Variants in RAPGEF2 observed in about 807,000 individuals in gnomAD.
The protein encoded by RAPGEF2 is Rap guanine nucleotide exchange factor 2, also known as PDZ domain containing guanine nucleotide exchange factor (GEF) 1.
A neutral mutation model predicts 186.7 loss-of-function variants in RAPGEF2; 54 were observed. The ratio of observed to expected loss-of-function variants is 0.29; its 90% CI spans 0.23 to 0.36. The LOEUF is 0.36. Among genes scored for constraint, RAPGEF2 ranks in the 10% least tolerant of loss-of-function variants. The probability of loss-of-function intolerance (pLI) is 1.00; values close to 1 mark genes in which losing one functional copy is unlikely to be tolerated. For synonymous variants in RAPGEF2, 712 were observed against 705.9 expected, an observed-to-expected ratio of 1.01 and a Z score of -0.14; for missense variants, 1,532 against 2,045.0, an observed-to-expected ratio of 0.75 and a Z score of 4.84.
At chr4:159,180,473 C>A (rs565302023) in intron 1 of RAPGEF2, among the ~76,000 whole-genome samples, 3 of 152,158 alleles carry the variant, frequency 2.0e-5, no homozygotes, top group African/African-American at 7.2e-5. Context: ...TCTGTAAAGC[C>A]ACCTAACTGC....
chr4:159,212,561 A>T (rs144055649), intron 4 of RAPGEF2, among the ~76,000 whole-genome samples: 114 of 152,306 alleles, frequency 7.5e-4, no homozygotes, highest in African/African-American at 2.6e-3. Flanking sequence ...GTTAAAGAAT[A>T]TATGTGTTGC....
At chr4:159,219,347 C>CTTTTTTTTTTTTTTTTT (rs70962664) in intron 4 of RAPGEF2, among the ~76,000 whole-genome samples, 1 of 81,446 alleles carries the variant, frequency 1.2e-5, no homozygotes, top group African/African-American at 5.6e-5. Context: ...CAACTGTATC[C>CTTTTTTTTTTTTTTTTT]TTTTTTTTTT....
chr4:159,247,755 C>CTTTTTTTTT (rs56053207), intron 7 of RAPGEF2, among the ~76,000 whole-genome samples: 1 of 83,474 alleles, frequency 1.2e-5, no homozygotes, highest in African/African-American at 4.7e-5. Context: ...TAATTTGTTT[C>CTTTTTTTTT]TTTTTTTTTT....
intron 3 of RAPGEF2, among the ~76,000 whole-genome samples, chr4:159,200,056 C>CTA (rs1413919748): frequency 3.3e-5 from 5 of 152,010 alleles, no homozygotes; most frequent in Non-Finnish European, 5.9e-5. Flanking sequence ...ATCTCTCTCT[C>CTA]TCTCTATATA....
chr4:159,252,723 C>T (rs1039569298), intron 7 of RAPGEF2, among the ~76,000 whole-genome samples: 2 of 152,208 alleles, frequency 1.3e-5, no homozygotes, highest in African/African-American at 4.8e-5. Flanking sequence ...TTGATAACTG[C>T]ATTCTTTCAC....
At chr4:159,356,322 G>A (rs1732002747) in intron 29 of RAPGEF2, among the ~76,000 whole-genome samples, 164 bp downstream of exon 29, 1 of 152,036 alleles carries the variant, frequency 6.6e-6, no homozygotes, top group African/African-American at 2.4e-5. Flanking sequence ...TACAGCTGTT[G>A]ACTGCTTTCT....
chr4:159,266,948 A>G, intron 7 of RAPGEF2: 1 of 215,132 alleles, frequency 4.6e-6, no homozygotes, highest in East Asian at 9.8e-5. Context: ...ACAGCTGCTG[A>G]TAGAATACAG....
rs899366700 is a variant in RAPGEF2, at chr4:159,353,042, G to A, written c.4091+132G>A. 4 of 851,292 alleles carry A rather than the reference G, an allele frequency of 4.7e-6. No individual in the cohort carries two copies. Among genetic ancestry groups the A allele is most frequent in the Non-Finnish European group, 7.2e-6 (4 of 558,658 alleles). The allele number at this position is 851,292 out of a possible 1,614,324, so 52.7% of individuals were successfully genotyped here. On this transcript the variant is annotated intron_variant, in intron 27 of 29. Transcript: ENST00000691494. This position sits in a 1 kb window ranked among gnomAD's most constrained non-coding sequence, Gnocchi z 4.3. Reference sequence around the variant, plus strand: ...AGAATTTTTCTGCCATCCCAGTTCTGATTTTCACAATTTCTACACTAAGTA... The same window carrying A: ...AGAATTTTTCTGCCATCCCAGTTCTAATTTTCACAATTTCTACACTAAGTA...
At chr4:159,321,845 TGTC>T (rs926285600) in intron 9 of RAPGEF2, among the ~76,000 whole-genome samples, 4 of 151,940 alleles carry the variant, frequency 2.6e-5, no homozygotes, top group South Asian at 2.1e-4. Flanking sequence ...TATCATATCA[TGTC>T]GTTAATTTTT....
chr4:159,271,413 A>G (rs1389605749), intron 7 of RAPGEF2, among the ~76,000 whole-genome samples: 1 of 152,196 alleles, frequency 6.6e-6, no homozygotes, highest in African/African-American at 2.4e-5. Flanking sequence ...AAAGTGCCCT[A>G]CTTAAATATA....
chr4:159,126,186 C>T (rs1236123193), intron 1 of RAPGEF2, among the ~76,000 whole-genome samples: 1 of 152,044 alleles, frequency 6.6e-6, no homozygotes, highest in Non-Finnish European at 1.5e-5. Flanking sequence ...CTATTTAAGC[C>T]TTCCTTCAAA....
chr4:159,224,359 C>G (rs931135032), intron 4 of RAPGEF2, among the ~76,000 whole-genome samples: 2 of 152,212 alleles, frequency 1.3e-5, no homozygotes, highest in Non-Finnish European at 2.9e-5. Flanking sequence ...GATTACCACT[C>G]AAGCCCAAGA....
intron 1 of RAPGEF2, among the ~76,000 whole-genome samples, chr4:159,158,966 A>G (rs1259125668): frequency 6.6e-6 from 1 of 152,208 alleles, no homozygotes; most frequent in Non-Finnish European, 1.5e-5. Flanking sequence ...AGTGTTTTAT[A>G]ATCTCACTTT....
At chr4:159,282,787 T>A (rs1276108530) in intron 7 of RAPGEF2, 1 of 334,498 alleles carries the variant, frequency 3.0e-6, no homozygotes, top group East Asian at 8.7e-5. Context: ...TATGCCATTA[T>A]ACATTATGCT....
chr4:159,278,161 A>T (rs183419851), intron 7 of RAPGEF2, among the ~76,000 whole-genome samples: 1 of 152,166 alleles, frequency 6.6e-6, no homozygotes, highest in East Asian at 1.9e-4. Context: ...TTTTCTACAT[A>T]TGGTTAGCCA....
chr4:159,229,384 C>T (rs1752379567), intron 4 of RAPGEF2: 1 of 152,176 alleles, frequency 6.6e-6, no homozygotes, highest in Admixed American at 6.5e-5. Flanking sequence ...GACTGCCTTT[C>T]GTGGAAAGCT....
In RAPGEF2 at chr4:159,346,871, T is replaced by C. The variant is rs754966727; in HGVS notation, c.3585T>C (p.Ala1195=). 6 of 1,614,032 alleles carry C rather than the reference T, an allele frequency of 3.7e-6. No homozygotes were observed. Among genetic ancestry groups the C allele is most frequent in the Non-Finnish European group, 5.1e-6 (6 of 1,179,998 alleles). ...CAAGGGCAGGGTCACAACAGAAAGC[T>C]CAGTCCCTGCCACAGCCCCAGCAGC... is the stretch of plus-strand genomic sequence containing the variant. The part of the protein sequence containing the change: ...VAPRAGSQQK[A]QSLPQPQQQP... Residue 1195 remains alanine, a synonymous_variant, in exon 25 of 30, where the codon GCT becomes GCC. Coordinates refer to ENST00000691494, the MANE Select transcript of RAPGEF2 (RefSeq NM_001394067.2).
At chr4:159,172,791 G>C (rs1347136503) in intron 1 of RAPGEF2, among the ~76,000 whole-genome samples, 2 of 152,160 alleles carry the variant, frequency 1.3e-5, no homozygotes, top group Non-Finnish European at 2.9e-5. Context: ...GTCCCTTCTA[G>C]TGGAGCACTT....
intron 8 of RAPGEF2, among the ~76,000 whole-genome samples, chr4:159,306,348 C>T (rs180694256): frequency 1.3e-5 from 2 of 152,178 alleles, no homozygotes; most frequent in African/African-American, 4.8e-5. Flanking sequence ...TCTTTCACCT[C>T]CTTGGTCGAA....
Sources: allele counts gnomAD v4.1 joint callset (sites outside exome capture counted in the v4.1 genomes callset), GRCh38; gene constraint gnomAD v4.1.1; non-coding constraint Gnocchi (gnomAD v3.1); transcripts MANE v1.5; gene names NCBI Gene and HGNC (gene_info 2026-07-23, HGNC 2026-07-21).